Variants in EPB41L1 observed in about 807,000 individuals in gnomAD.
EPB41L1 encodes the protein band 4.1-like protein 1.
Under a neutral mutation model 97.8 loss-of-function variants are expected in EPB41L1, and 29 were observed. That is an observed-to-expected ratio of 0.30 (90% CI 0.22 to 0.40). The LOEUF is 0.40. EPB41L1 is among the 10% of genes least tolerant of loss of function. The pLI is 1.00. For synonymous variants in EPB41L1, 383 were observed against 459.2 expected (o/e 0.83, Z 2.12); for missense variants, 812 against 1,162.3 (o/e 0.70, Z 4.38).
chr20:36,179,802 A>C (rs1200751007), intron 5 of EPB41L1, among the ~76,000 whole-genome samples: 5 of 152,210 alleles, frequency 3.3e-5, no homozygotes, highest in African/African-American at 4.8e-5. Flanking sequence ...GGCTCGAGGA[A>C]TTCTTCCTGA....
chr20:36,198,778 T>C lies in EPB41L1; in HGVS notation c.1668+737T>C, dbSNP rs1352350022. Among the ~76,000 whole-genome samples the C allele has an allele frequency of 2.0e-5, 3 of 152,350 alleles. No homozygotes were observed. The East Asian group carries it at 5.8e-4, about 29-fold the overall frequency. ...TACTTAGGTGTTTTCTCCCTGAAGC[T>C]ATTGCTTACTGGTCTCAAATACGGT... On this transcript the variant is annotated intron_variant, in intron 14 of 21. Coordinates refer to ENST00000338074, the MANE Select transcript of EPB41L1 (RefSeq NM_012156.2).
chr20:36,111,040 G>A (rs2058383660), intron 1 of EPB41L1, among the ~76,000 whole-genome samples: 2 of 152,160 alleles, frequency 1.3e-5, no homozygotes, highest in Non-Finnish European at 2.9e-5. Flanking sequence ...GAATGGTGCT[G>A]CTACCTTTTG....
At chr20:36,191,384 G>C (rs1420702142) in intron 11 of EPB41L1, among the ~76,000 whole-genome samples, 1 of 152,122 alleles carries the variant, frequency 6.6e-6, no homozygotes, top group Non-Finnish European at 1.5e-5. Flanking sequence ...ATTTCTATTG[G>C]ATTGATGGGT....
chr20:36,125,444 A>C, intron 2 of EPB41L1: 1 of 887,404 alleles, frequency 1.1e-6, no homozygotes, highest in Non-Finnish European at 1.8e-6. Context: ...TACCTGCCTC[A>C]TGGTTTTCTT....
rs780036198 is a variant in EPB41L1, at chr20:36,195,349, G to A, written c.1470G>A (p.Pro490=). Residue 490 remains proline, a synonymous_variant, in exon 13 of 22, where the codon CCG becomes CCA. Transcript: ENST00000338074. This position sits in a 1 kb window ranked among gnomAD's most constrained non-coding sequence, Gnocchi z 4.6. ...ACTAGCCGGAGCAGGAAACCACGCC[G>A]AGACACAAGCAGGAGGTACTGCATG... is the stretch of plus-strand genomic sequence containing the variant. ...KELKPEQETT[P]RHKQEFLDKP... is the part of the protein sequence containing the mutation. The A allele has an allele frequency of 8.7e-6, 14 of 1,613,814 alleles. No homozygotes were observed. Among genetic ancestry groups the A allele is most frequent in the Admixed American group, 1.7e-5 (1 of 59,984 alleles).
intron 2 of EPB41L1, among the ~76,000 whole-genome samples, chr20:36,127,632 A>G (rs575460982): frequency 1.3e-5 from 2 of 151,924 alleles, no homozygotes; most frequent in Admixed American, 1.3e-4. Flanking sequence ...AGGCAGACTC[A>G]CTCTTGGCCT....
At chr20:36,157,115 T>C (rs1420680178) in intron 1 of EPB41L1, among the ~76,000 whole-genome samples, 2 of 151,942 alleles carry the variant, frequency 1.3e-5, no homozygotes, top group African/African-American at 4.8e-5. Context: ...CCCCAGCAAC[T>C]CGGGAGGCTG....
At chr20:36,178,486 G>A in intron 4 of EPB41L1, 144 bp from the exon 5 acceptor site, 1 of 845,642 alleles carries the variant, frequency 1.2e-6, no homozygotes, top group Non-Finnish European at 2.0e-6. Flanking sequence ...CTAGTCCCAA[G>A]GAAAAGGAAC....
At chr20:36,187,852 C>A in intron 8 of EPB41L1, 89 bp downstream of exon 8, 1 of 1,075,778 alleles carries the variant, frequency 9.3e-7, no homozygotes, top group Non-Finnish European at 1.4e-6. Context: ...TGTGCCAGAC[C>A]CTGTGTTACC....
chr20:36,190,860 A>T lies in EPB41L1; in HGVS notation c.1300+63A>T, dbSNP rs953089871. ...TTCAGAGGGAACTGGGGGAGTGGGC[A>T]TGCTGGGTTCTGCAGAATGAGCAGG... On this transcript the variant is annotated intron_variant, in intron 11 of 21. Coordinates refer to ENST00000338074, the MANE Select transcript of EPB41L1 (RefSeq NM_012156.2). The surrounding 1 kb of genome is among the most constrained non-coding windows in gnomAD (Gnocchi z 5.8). 11 of 1,593,424 alleles carry T rather than the reference A, an allele frequency of 6.9e-6. No individual in the cohort carries two copies. The Admixed American group carries it at 1.0e-4, about 15-fold the overall frequency.
Position 36,212,318 on chromosome 20 carries a change from A to G in EPB41L1, c.2126A>G (p.Lys709Arg), listed in dbSNP as rs146018323. 2 of 1,614,076 alleles carry G rather than the reference A, an allele frequency of 1.2e-6. No individual in the cohort carries two copies. Among genetic ancestry groups the G allele is most frequent in the African/African-American group, 2.7e-5 (2 of 74,924 alleles). Residue 709 changes from lysine to arginine, a missense_variant, in exon 16 of 22, where the codon AAG becomes AGG. Coordinates refer to ENST00000338074, the MANE Select transcript of EPB41L1 (RefSeq NM_012156.2). This position sits in a 1 kb window ranked among gnomAD's most constrained non-coding sequence, Gnocchi z 4.8. The part of the protein sequence containing the change: ...TMTVSSLAIR[K>R]KIEPEAVLQT... The stretch of plus-strand genomic sequence containing the variant: ...ACTGTCAGCAGTCTGGCCATTAGAA[A>G]GAAGATTGAGCCGGAGGCCGTACTG...
chr20:36,130,610 G>A (rs778465081), intron 2 of EPB41L1, among the ~76,000 whole-genome samples: 23 of 152,160 alleles, frequency 1.5e-4, no homozygotes, highest in Non-Finnish European at 3.2e-4. Context: ...TTCAGATGAT[G>A]ATGTCTCTTG....
At chr20:36,171,750 G>A (rs1016473270) in intron 1 of EPB41L1, among the ~76,000 whole-genome samples, 2 of 152,178 alleles carry the variant, frequency 1.3e-5, no homozygotes, top group African/African-American at 4.8e-5. Context: ...CGGGGGACCT[G>A]GAGCACGTGG....
chr20:36,129,992 A>G (rs1600466088), intron 2 of EPB41L1, among the ~76,000 whole-genome samples: 1 of 140,746 alleles, frequency 7.1e-6, no homozygotes, highest in African/African-American at 2.7e-5. Context: ...CTCAGCCTGG[A>G]GTGCAGTGGC....
intron 3 of EPB41L1, among the ~76,000 whole-genome samples, chr20:36,176,211 C>T (rs370711398): frequency 2.6e-5 from 4 of 152,330 alleles, no homozygotes; most frequent in South Asian, 2.1e-4. Context: ...CACAGGGAGG[C>T]GGCCCATTGG....
In EPB41L1 at chr20:36,093,367, C is replaced by A. The variant is rs1413156192; in HGVS notation, c.-65+1755C>A. The stretch of plus-strand genomic sequence containing the variant: ...TCGCTGTGTGCGCGCCAGTGTAACT[C>A]CCGTGTGTGCGCGTGTGAGTGCGGG... On this transcript the variant is annotated intron_variant, in intron 1 of 19. Coordinates refer to the EPB41L1 transcript ENST00000202028. The surrounding 1 kb of genome is among the most constrained non-coding windows in gnomAD (Gnocchi z 5.4). 6.8e-6 allele frequency among the ~76,000 whole-genome samples: 1 copy of A among 146,550 alleles called. No individual in the cohort carries two copies. The highest frequency in any genetic ancestry group is 6.7e-5 in the Admixed American group (1 of 14,820).
chr20:36,191,818 T>C (rs1360132271), intron 11 of EPB41L1, among the ~76,000 whole-genome samples: 1 of 152,194 alleles, frequency 6.6e-6, no homozygotes, highest in African/African-American at 2.4e-5. Context: ...TTTGCTGTGT[T>C]CTAGGGAAAA....
At chr20:36,197,810 C>A in intron 13 of EPB41L1, 49 bp from the exon 14 acceptor site, 1 of 1,613,716 alleles carries the variant, frequency 6.2e-7, no homozygotes, top group Non-Finnish European at 8.5e-7. Context: ...CCTGCATCCC[C>A]GCTTGGAGCT....
chr20:36,158,934 A>G lies in EPB41L1; in HGVS notation c.-15+4038A>G, dbSNP rs2060422890. ...GCAGGATTTTAGTCTGCTGAGGAGC[A>G]TGACAGAACTGTGTTTTGGGAAGGT... On this transcript the variant is annotated intron_variant, in intron 1 of 21. Coordinates refer to ENST00000338074, the MANE Select transcript of EPB41L1 (RefSeq NM_012156.2). Among the ~76,000 whole-genome samples, 4 of 152,246 alleles carry G rather than the reference A, an allele frequency of 2.6e-5. No homozygotes were observed. The South Asian group carries it at 8.3e-4, about 31-fold the overall frequency.
Sources: allele counts gnomAD v4.1 joint callset (sites outside exome capture counted in the v4.1 genomes callset), GRCh38; gene constraint gnomAD v4.1.1; non-coding constraint Gnocchi (gnomAD v3.1); transcripts MANE v1.5; gene names NCBI Gene and HGNC (gene_info 2026-07-23, HGNC 2026-07-21).